The following RASAL2 variants were observed in gnomAD, a reference collection of about 807,000 sequenced individuals.
RASAL2 encodes ras GTPase-activating protein nGAP.
In RASAL2, 58 loss-of-function variants were observed where a neutral mutation model predicts 128.9. The ratio of observed to expected loss-of-function variants is 0.45; its 90% CI spans 0.36 to 0.56. The LOEUF is 0.56. Ranked by LOEUF, RASAL2 falls within the 20% of genes least tolerant of loss-of-function variation. The probability of loss-of-function intolerance (pLI) is 0.00; values close to 1 mark genes in which losing one functional copy is unlikely to be tolerated. For missense variants in RASAL2, 1,360 were observed against 1,601.6 expected (o/e 0.85, Z 2.57); for synonymous variants, 561 against 580.8 (o/e 0.97, Z 0.49).
intron 3 of RASAL2, among the ~76,000 whole-genome samples, chr1:178,357,451 A>G (rs1670870814): frequency 6.6e-6 from 1 of 150,830 alleles, no homozygotes; most frequent in Non-Finnish European, 1.5e-5. Flanking sequence ...CTACTGATCT[A>G]TTTCTATATC....
intron 1 of RASAL2, among the ~76,000 whole-genome samples, chr1:178,098,811 T>C (rs1658787386): frequency 6.6e-6 from 1 of 152,216 alleles, no homozygotes; most frequent in African/African-American, 2.4e-5. Flanking sequence ...TCATTGTTTA[T>C]TGATAACAAC....
chr1:178,157,798 A>G (rs950330737), intron 1 of RASAL2, among the ~76,000 whole-genome samples: 1 of 152,218 alleles, frequency 6.6e-6, no homozygotes, highest in East Asian at 1.9e-4. Context: ...AGTCAATACT[A>G]AATGATACTT....
chr1:178,441,771 G>A (rs1676668406), intron 7 of RASAL2, 124 bp downstream of exon 7: 1 of 663,962 alleles, frequency 1.5e-6, no homozygotes, highest in African/African-American at 1.8e-5. Flanking sequence ...ACATTTATAT[G>A]TTATGCCATT....
At chr1:178,259,231 C>T (rs372272278) in intron 1 of RASAL2, among the ~76,000 whole-genome samples, 1 of 147,614 alleles carries the variant, frequency 6.8e-6, no homozygotes, top group Non-Finnish European at 1.5e-5. Flanking sequence ...CCCAGGTTCA[C>T]GCCATTCTCC....
chr1:178,362,606 G>A (rs546786087), intron 3 of RASAL2, among the ~76,000 whole-genome samples: 2 of 152,028 alleles, frequency 1.3e-5, no homozygotes, highest in South Asian at 4.1e-4. Flanking sequence ...CTACATAGCT[G>A]CAAACTTTAT....
chr1:178,188,784 T>C (rs1454451160), intron 1 of RASAL2, among the ~76,000 whole-genome samples: 1 of 152,144 alleles, frequency 6.6e-6, no homozygotes, highest in Non-Finnish European at 1.5e-5. Flanking sequence ...TACTCTTCAT[T>C]ATTTACAGAT....
chr1:178,335,887 A>G (rs1198267913), intron 3 of RASAL2, among the ~76,000 whole-genome samples: 2 of 152,010 alleles, frequency 1.3e-5, no homozygotes, highest in African/African-American at 2.4e-5. Flanking sequence ...ATACTATTAT[A>G]GAAAATTTGG....
At chr1:178,275,486 A>G (rs974582311) in intron 1 of RASAL2, among the ~76,000 whole-genome samples, 66 of 152,348 alleles carry the variant, frequency 4.3e-4, no homozygotes, top group African/African-American at 1.4e-3. Context: ...TAGAACTATC[A>G]TAGGAATTGT....
chr1:178,464,336 T>C lies in RASAL2; in HGVS notation c.3311T>C (p.Val1104Ala). ...CCAGTAGAGAGGACAGCAGCCTGGG[T>C]TCTGAACAATGGGCAGTATGAAGAG... is the stretch of plus-strand genomic sequence containing the variant. ...MSPVERTAAW[V>A]LNNGQYEEDV... The change falls in exon 15 of 18, where the codon GTT becomes GCT. Residue 1104 changes from valine to alanine, a missense_variant. Coordinates refer to ENST00000367649, the MANE Select transcript of RASAL2 (RefSeq NM_170692.4). 2 of 1,613,752 alleles carry C rather than the reference T, an allele frequency of 1.2e-6. No homozygotes were observed. Among genetic ancestry groups the C allele is most frequent in the Non-Finnish European group, 1.7e-6 (2 of 1,179,800 alleles).
intron 1 of RASAL2, among the ~76,000 whole-genome samples, chr1:178,253,077 T>G (rs776752036): frequency 5.3e-5 from 8 of 152,160 alleles, no homozygotes; most frequent in Admixed American, 3.3e-4. Context: ...TCAGCAGGGT[T>G]GGTTCTTTCT....
At chr1:178,275,376 A>C (rs960484879) in intron 1 of RASAL2, among the ~76,000 whole-genome samples, 1 of 152,200 alleles carries the variant, frequency 6.6e-6, no homozygotes, top group Non-Finnish European at 1.5e-5. Flanking sequence ...CATATTTAAG[A>C]AGTGGAAGAA....
intron 3 of RASAL2, among the ~76,000 whole-genome samples, chr1:178,352,747 T>C (rs1393684058): frequency 6.6e-6 from 1 of 152,220 alleles, no homozygotes; most frequent in Non-Finnish European, 1.5e-5. Context: ...ATCCAGGCTT[T>C]TCCGTACATT....
intron 3 of RASAL2, among the ~76,000 whole-genome samples, chr1:178,302,405 A>G (rs1439078806): frequency 2.6e-5 from 4 of 152,222 alleles, no homozygotes; most frequent in African/African-American, 9.6e-5. Context: ...TGTTTAATAT[A>G]GCATCATGAT....
intron 1 of RASAL2, among the ~76,000 whole-genome samples, chr1:178,215,276 G>A (rs1033687438): frequency 2.6e-5 from 4 of 152,206 alleles, no homozygotes; most frequent in African/African-American, 9.6e-5. Context: ...CAGTGGCCAT[G>A]TGTCTGAGAT....
At chr1:178,261,468 A>G (rs1272947441) in intron 1 of RASAL2, among the ~76,000 whole-genome samples, 1 of 152,158 alleles carries the variant, frequency 6.6e-6, no homozygotes, top group Non-Finnish European at 1.5e-5. Flanking sequence ...TGCAGTAGTT[A>G]CTCCAGCTAA....
At chr1:178,388,846 G>A (rs1672733338) in intron 3 of RASAL2, among the ~76,000 whole-genome samples, 1 of 152,182 alleles carries the variant, frequency 6.6e-6, no homozygotes, top group African/African-American at 2.4e-5. Flanking sequence ...AGTAACTGAG[G>A]GAAGGCAGTG....
chr1:178,292,933 A>G (rs1010919198), intron 2 of RASAL2, among the ~76,000 whole-genome samples: 1 of 152,168 alleles, frequency 6.6e-6, no homozygotes, highest in African/African-American at 2.4e-5. Context: ...TTAAAATGAC[A>G]CTTTTAAATG....
At chr1:178,459,246 G>A (rs1200671432) in intron 14 of RASAL2, among the ~76,000 whole-genome samples, 1 of 152,024 alleles carries the variant, frequency 6.6e-6, no homozygotes, top group Non-Finnish European at 1.5e-5. Context: ...GCTTTGCCAA[G>A]AAACTAATCA....
chr1:178,319,569 C>G (rs1365242691), intron 3 of RASAL2, among the ~76,000 whole-genome samples: 2 of 147,914 alleles, frequency 1.4e-5, no homozygotes, highest in East Asian at 3.9e-4. Context: ...GATACCCTTT[C>G]TTCCAGTTGA....
Sources: gnomAD v4.1 joint callset for allele counts (sites outside exome capture counted in the v4.1 genomes callset) on GRCh38, gnomAD v4.1.1 for gene constraint, MANE v1.5 for transcripts, NCBI Gene and HGNC (gene_info 2026-07-23, HGNC 2026-07-21) for gene names.